The following SFMBT1 variants were observed in gnomAD, a reference collection of about 807,000 sequenced individuals.
SFMBT1 encodes Scm like with four mbt domains 1, also known as scm-like with four MBT domains protein 1.
A neutral mutation model predicts 108.7 loss-of-function variants in SFMBT1; 32 were observed. The ratio of observed to expected loss-of-function variants is 0.29; its 90% CI spans 0.22 to 0.40. SFMBT1 has a LOEUF of 0.40. SFMBT1 is among the 10% of genes least tolerant of loss of function. The pLI is 1.00. For synonymous variants in SFMBT1, 348 were observed against 369.5 expected (o/e 0.94, Z 0.67); for missense variants, 816 against 1,059.6 (o/e 0.77, Z 3.19).
intron 19 of SFMBT1, 125 bp from the exon 20 acceptor site, chr3:52,906,366 C>T: frequency 6.9e-7 from 1 of 1,448,130 alleles, no homozygotes; most frequent in Non-Finnish European, 9.5e-7. Context: ...CATGATTTCT[C>T]CCAGCAAAGA....
intron 3 of SFMBT1, among the ~76,000 whole-genome samples, chr3:52,949,819 T>G (rs139745976): frequency 6.6e-6 from 1 of 152,144 alleles, no homozygotes; most frequent in Non-Finnish European, 1.5e-5. Context: ...CCTCAAATGA[T>G]GCACTCATCT....
At chr3:52,960,710 C>T (rs1021701847) in intron 2 of SFMBT1, among the ~76,000 whole-genome samples, 2 of 152,132 alleles carry the variant, frequency 1.3e-5, no homozygotes, top group African/African-American at 4.8e-5. Flanking sequence ...TGTATTTGTA[C>T]ACAAATGTTC....
At chr3:52,953,069 T>C (rs893114117) in intron 3 of SFMBT1, among the ~76,000 whole-genome samples, 13 of 152,220 alleles carry the variant, frequency 8.5e-5, no homozygotes, top group African/African-American at 2.4e-5. Context: ...GTCTATGATA[T>C]TTTGTTATGG....
chr3:52,963,293 A>G (rs1190590889), intron 2 of SFMBT1, among the ~76,000 whole-genome samples: 2 of 151,822 alleles, frequency 1.3e-5, no homozygotes, highest in African/African-American at 4.8e-5. Flanking sequence ...CCGCCCGGCC[A>G]ATTTTGACTT....
At position 52,954,400 on chromosome 3, in the gene SFMBT1, C is replaced by G; in HGVS notation, c.40G>C (p.Gly14Arg). Residue 14 changes from glycine (G) to arginine (R), a missense_variant, in exon 3 of 21, where the codon GGT (glycine) becomes CGT (arginine). Physicochemically the swap from Gly to Arg is moderately radical, Grantham distance 125 (BLOSUM62 -2). Transcript: ENST00000394752. ...EQQLDADAGS[G>R]MEEVELSWED... ...CAGCTTAATTCTACCTCTTCCATAC[C>G]AGAGCCGGCATCTAGAATTAAAAAT... 1 of 1,612,848 alleles carries G rather than the reference C, an allele frequency of 6.2e-7. No individual in the cohort carries two copies. The highest frequency in any genetic ancestry group is 1.3e-5 in the African/African-American group (1 of 74,968).
chr3:52,911,518 T>A (rs568116432), intron 16 of SFMBT1, among the ~76,000 whole-genome samples: 6 of 152,324 alleles, frequency 3.9e-5, no homozygotes, highest in African/African-American at 1.2e-4. Flanking sequence ...TTGGCAGTGA[T>A]CCTCAGACTG....
At chr3:52,926,549 T>A (rs1702665382) in intron 9 of SFMBT1, among the ~76,000 whole-genome samples, 1 of 152,218 alleles carries the variant, frequency 6.6e-6, no homozygotes, top group Non-Finnish European at 1.5e-5. Flanking sequence ...AGACGAAGAC[T>A]TTTTTTCTTT....
chr3:52,954,582 G>C (rs572510082), intron 2 of SFMBT1, among the ~76,000 whole-genome samples, 171 bp from the exon 3 acceptor site: 90 of 152,174 alleles, frequency 5.9e-4, no homozygotes, highest in African/African-American at 2.1e-3. Context: ...TAAATGATAG[G>C]TGCCCTTAGT....
At position 52,914,119 on chromosome 3, in the gene SFMBT1, G is replaced by A. The variant is rs539670021; in HGVS notation, c.1481-502C>T. On this transcript the variant is annotated intron_variant, in intron 14 of 20. Transcript: ENST00000394752. ...TCCCATCTCTGAGATTTCTCAGAGGGCTAAAAGTATGCTGTGACCACATCT... is the reference window on the plus strand; with the variant it reads ...TCCCATCTCTGAGATTTCTCAGAGGACTAAAAGTATGCTGTGACCACATCT... Among the ~76,000 whole-genome samples, 4 of 152,264 alleles carry A rather than the reference G, an allele frequency of 2.6e-5. No individual in the cohort carries two copies. The South Asian group carries it at 8.3e-4, about 32-fold the overall frequency.
chr3:53,007,865 T>C (rs1472109475), intron 1 of SFMBT1, among the ~76,000 whole-genome samples: 6 of 152,140 alleles, frequency 3.9e-5, no homozygotes, highest in African/African-American at 1.4e-4. Flanking sequence ...ATTTCTGCCA[T>C]ATTTCTGCCA....
chr3:52,930,182 C>T (rs975046207), intron 8 of SFMBT1, 147 bp downstream of exon 8: 4 of 616,832 alleles, frequency 6.5e-6, no homozygotes, highest in East Asian at 2.7e-5. Flanking sequence ...TGGACAAATA[C>T]AAAACGTGCA....
intron 1 of SFMBT1, among the ~76,000 whole-genome samples, chr3:53,020,929 G>A (rs1298916918): frequency 6.6e-6 from 1 of 152,046 alleles, no homozygotes. Context: ...ATGGTGGTGC[G>A]TCCCTGTAAT....
At chr3:53,029,070 G>A (rs1699592795) in intron 1 of SFMBT1, among the ~76,000 whole-genome samples, 1 of 151,820 alleles carries the variant, frequency 6.6e-6, no homozygotes, top group East Asian at 1.9e-4. Context: ...CTACTCGGGA[G>A]GCTGAGGCAG....
intron 1 of SFMBT1, among the ~76,000 whole-genome samples, chr3:53,008,970 C>G (rs939982497): frequency 5.9e-5 from 9 of 151,266 alleles, no homozygotes; most frequent in African/African-American, 2.2e-4. Context: ...TCTTGATATC[C>G]TACTCTGTAA....
chr3:52,912,699 C>G (rs758015942), intron 15 of SFMBT1, 52 bp from the exon 16 acceptor site: 22 of 1,322,244 alleles, frequency 1.7e-5, no homozygotes, highest in Non-Finnish European at 2.4e-5. Context: ...AAAAGCAGAC[C>G]ATTAGAATCT....
intron 1 of SFMBT1, among the ~76,000 whole-genome samples, chr3:52,972,840 A>ACT (rs1491572182): frequency 1.1e-5 from 1 of 92,430 alleles, no homozygotes; most frequent in African/African-American, 4.6e-5. Context: ...CATCTCTACT[A>ACT]AACACACACA....
chr3:53,001,900 G>A (rs1698562649), intron 1 of SFMBT1, among the ~76,000 whole-genome samples: 1 of 143,382 alleles, frequency 7.0e-6, no homozygotes, highest in Non-Finnish European at 1.5e-5. Context: ...ATTCCGGCCT[G>A]GGCAACAGAG....
At chr3:53,028,861 C>A (rs1699583169) in intron 1 of SFMBT1, among the ~76,000 whole-genome samples, 1 of 152,096 alleles carries the variant, frequency 6.6e-6, no homozygotes, top group Non-Finnish European at 1.5e-5. Context: ...TGTGAACACT[C>A]TCTGAGCAAG....
At chr3:52,909,357 T>C (rs760593996) in intron 17 of SFMBT1, among the ~76,000 whole-genome samples, 1 of 152,240 alleles carries the variant, frequency 6.6e-6, no homozygotes, top group Non-Finnish European at 1.5e-5. Flanking sequence ...AACTAAGTGC[T>C]GAGTCTGATA....
Sources: gnomAD v4.1 joint callset for allele counts (sites outside exome capture counted in the v4.1 genomes callset) on GRCh38, gnomAD v4.1.1 for gene constraint, MANE v1.5 for transcripts, NCBI Gene and HGNC (gene_info 2026-07-23, HGNC 2026-07-21) for gene names.